Variants in SENP6 observed in about 807,000 individuals in gnomAD.
SENP6 encodes SUMO specific peptidase 6.
A neutral mutation model predicts 134.5 loss-of-function variants in SENP6; 41 were observed. The ratio of observed to expected loss-of-function variants is 0.30; its 90% CI spans 0.24 to 0.40. The LOEUF (loss-of-function observed/expected upper bound fraction) is 0.40. Ranked by LOEUF, SENP6 falls within the 10% of genes least tolerant of loss-of-function variation. SENP6 has a pLI of 1.00. For synonymous variants in SENP6, 395 were observed against 429.8 expected, an observed-to-expected ratio of 0.92 and a Z score of 1.00; for missense variants, 1,248 against 1,312.5, an observed-to-expected ratio of 0.95 and a Z score of 0.76.
intron 18 of SENP6, 183 bp downstream of exon 18, chr6:75,697,700 T>C (rs751407353): frequency 1.1e-5 from 6 of 522,048 alleles, no homozygotes; most frequent in East Asian, 8.7e-5. Context: ...GCATGTAAGA[T>C]ATTGAATTTT....
chr6:75,652,498 G>T (rs557759958), intron 7 of SENP6, among the ~76,000 whole-genome samples: 4 of 151,450 alleles, frequency 2.6e-5, no homozygotes, highest in Non-Finnish European at 5.9e-5. Context: ...AAATTTGGGG[G>T]ACAAATGATA....
At chr6:75,688,649 G>A (rs959721751) in intron 16 of SENP6, among the ~76,000 whole-genome samples, 15 of 152,232 alleles carry the variant, frequency 9.9e-5, no homozygotes, top group African/African-American at 3.6e-4. Context: ...ACCAGACACA[G>A]TGGCTCATAC....
At chr6:75,713,486 C>T (rs371189996) in intron 21 of SENP6, 27 bp from the exon 22 acceptor site, 105 of 1,571,016 alleles carry the variant, frequency 6.7e-5, no homozygotes, top group Non-Finnish European at 8.6e-5. Flanking sequence ...ATGAAGTATT[C>T]GACTTTTGGT....
intron 3 of SENP6, among the ~76,000 whole-genome samples, chr6:75,629,977 G>A (rs1421022250): frequency 2.0e-5 from 3 of 151,786 alleles, no homozygotes; most frequent in Non-Finnish European, 2.9e-5. Context: ...GCTAACAATA[G>A]ATATGGATTG....
chr6:75,716,261 T>G lies in SENP6; in HGVS notation c.*667T>G, dbSNP rs1160403537. 6.6e-6 allele frequency: 1 copy of G among 151,970 alleles called. No homozygotes were observed. The highest frequency in any genetic ancestry group is 1.9e-4 in the East Asian group (1 of 5,204). 9.4% of individuals were successfully genotyped at this position (151,970 alleles called of 1,614,324 possible). A position where few individuals can be genotyped will look rare whatever the true frequency, so the allele number is the denominator to read the frequency against. ...CTACTAAAAAAAAAATTCTTGCATATATTATCATCAAATGCATTTTTGAAG... is the reference window on the plus strand; with the variant it reads ...CTACTAAAAAAAAAATTCTTGCATAGATTATCATCAAATGCATTTTTGAAG... On this transcript the variant is annotated 3_prime_UTR_variant, in exon 24 of 24. Transcript: ENST00000447266.
At chr6:75,688,553 G>T (rs1461368391) in intron 16 of SENP6, among the ~76,000 whole-genome samples, 1 of 151,894 alleles carries the variant, frequency 6.6e-6, no homozygotes. Context: ...CCCCGTCCAG[G>T]ATTATATTCT....
intron 19 of SENP6, among the ~76,000 whole-genome samples, chr6:75,704,289 G>A (rs1775240725): frequency 6.6e-6 from 1 of 152,148 alleles, no homozygotes; most frequent in Non-Finnish European, 1.5e-5. Context: ...TCAGCAAGAG[G>A]AATGCCGTAG....
chr6:75,692,086 C>T (rs1311651980), intron 16 of SENP6, among the ~76,000 whole-genome samples: 1 of 151,834 alleles, frequency 6.6e-6, no homozygotes, highest in Admixed American at 6.6e-5. Context: ...AAACTCCCGA[C>T]CTCAGGTGAT....
rs140359256 is a variant in SENP6 at position 75,625,636 on chromosome 6, A to G, written c.207+1676A>G. On this transcript the variant is annotated intron_variant, in intron 3 of 23. Transcript: ENST00000447266. ...GTAATCCCAACACTTTGGGAGGCCA[A>G]AGCAGGCAGATCACTTGAGGTCAGT... is the stretch of plus-strand genomic sequence containing the variant. Among the ~76,000 whole-genome samples, 1,607 of 152,282 alleles carry G rather than the reference A, an allele frequency of 0.011. 60 individuals carry two copies. In the East Asian group the frequency reaches 0.14, roughly 13 times the overall value.
At chr6:75,706,197 G>A (rs1320901906) in intron 19 of SENP6, among the ~76,000 whole-genome samples, 1 of 151,764 alleles carries the variant, frequency 6.6e-6, no homozygotes, top group African/African-American at 2.4e-5. Flanking sequence ...AGGTGAGGTG[G>A]GTGGGAATGT....
chr6:75,711,684 AT>A (rs1292726232), intron 21 of SENP6, among the ~76,000 whole-genome samples: 8 of 151,988 alleles, frequency 5.3e-5, no homozygotes, highest in Non-Finnish European at 1.0e-4. Flanking sequence ...TTATGTGTAT[AT>A]TTTTTGAGAC....
intron 8 of SENP6, among the ~76,000 whole-genome samples, chr6:75,661,350 T>C (rs1771761453): frequency 6.6e-6 from 1 of 152,212 alleles, no homozygotes; most frequent in Non-Finnish European, 1.5e-5. Flanking sequence ...CATGCTGATA[T>C]CACCTACTGC....
At chr6:75,637,682 T>C (rs1392991087) in intron 5 of SENP6, among the ~76,000 whole-genome samples, 1 of 152,052 alleles carries the variant, frequency 6.6e-6, no homozygotes, top group African/African-American at 2.4e-5. Context: ...TTATAAGAAA[T>C]TCTTGTAATT....
chr6:75,708,386 C>T (rs1775544503), intron 19 of SENP6, among the ~76,000 whole-genome samples: 1 of 151,502 alleles, frequency 6.6e-6, no homozygotes, highest in Admixed American at 6.6e-5. Flanking sequence ...ATCCTGTCTA[C>T]AATAACTAAA....
chr6:75,690,088 T>C (rs138031615), intron 16 of SENP6, among the ~76,000 whole-genome samples: 434 of 152,280 alleles, frequency 2.9e-3, no homozygotes, highest in Middle Eastern at 0.01. Context: ...ATTTTTTCAC[T>C]TTTATACAGA....
At chr6:75,645,076 T>C (rs1770328365) in intron 6 of SENP6, among the ~76,000 whole-genome samples, 1 of 152,156 alleles carries the variant, frequency 6.6e-6, no homozygotes, top group South Asian at 2.1e-4. Flanking sequence ...TTTAAACAGC[T>C]TGTAAAAATC....
chr6:75,673,216 T>C (rs1205136903), intron 11 of SENP6, among the ~76,000 whole-genome samples: 1 of 152,106 alleles, frequency 6.6e-6, no homozygotes, highest in Non-Finnish European at 1.5e-5. Flanking sequence ...GAATACCACA[T>C]ATGCACAAAT....
intron 10 of SENP6, among the ~76,000 whole-genome samples, chr6:75,669,296 C>T (rs541868161): frequency 3.3e-5 from 5 of 152,174 alleles, no homozygotes; most frequent in South Asian, 4.2e-4. Flanking sequence ...GTGGAGGTTG[C>T]GGTGAGCTGA....
At chr6:75,682,510 CTCA>C (rs1477083890) in intron 16 of SENP6, among the ~76,000 whole-genome samples, 1 of 151,842 alleles carries the variant, frequency 6.6e-6, no homozygotes, top group African/African-American at 2.4e-5. Context: ...TACCTATCAA[CTCA>C]TCATTTATAT....
Sources: gnomAD v4.1 joint callset for allele counts (sites outside exome capture counted in the v4.1 genomes callset) on GRCh38, gnomAD v4.1.1 for gene constraint, MANE v1.5 for transcripts, NCBI Gene and HGNC (gene_info 2026-07-23, HGNC 2026-07-21) for gene names.